PRKG1: variants seen among roughly 807,000 people sequenced by gnomAD.
The protein encoded by PRKG1 is cGMP-dependent protein kinase 1.
In PRKG1, 35 loss-of-function variants were observed where a neutral mutation model predicts 88.1. The ratio of observed to expected loss-of-function variants is 0.40; its 90% CI spans 0.30 to 0.53. The LOEUF (loss-of-function observed/expected upper bound fraction) is 0.53, where lower values mean the gene tolerates loss of function less well. PRKG1 is among the 20% of genes least tolerant of loss of function. PRKG1 has a pLI of 0.59. For synonymous variants in PRKG1, 303 were observed against 292.5 expected (o/e 1.04, Z -0.37); for missense variants, 540 against 839.8 (o/e 0.64, Z 4.41).
intron 3 of PRKG1, chr10:51,696,789 C>A (rs1841304826): frequency 6.6e-6 from 1 of 152,110 alleles, no homozygotes. Flanking sequence ...GTGAAACCTT[C>A]CACTACTTAT....
intron 3 of PRKG1, among the ~76,000 whole-genome samples, chr10:51,594,477 C>CAT (rs1352452187): frequency 3.3e-5 from 5 of 152,184 alleles, no homozygotes; most frequent in Middle Eastern, 3.2e-3. Context: ...TATGTTGTCT[C>CAT]ATATTACCAC....
intron 9 of PRKG1, among the ~76,000 whole-genome samples, chr10:52,192,280 C>T (rs1003651369): frequency 6.6e-6 from 1 of 152,098 alleles, no homozygotes; most frequent in Admixed American, 6.5e-5. Flanking sequence ...ATTTCCTCCC[C>T]TGGACCTAAG....
intron 9 of PRKG1, among the ~76,000 whole-genome samples, chr10:52,234,641 G>C (rs1840628969): frequency 1.5e-5 from 2 of 129,074 alleles, no homozygotes; most frequent in African/African-American, 6.5e-5. Context: ...AATGAGCAAA[G>C]CCTCCAAGAA....
chr10:51,525,917 C>T lies in PRKG1; in HGVS notation c.592+58081C>T, dbSNP rs1317276108. ...CTCAGCTCACTGCAATCTCCTCCTC[C>T]CAAGTTCAAGCGATTCTACTGCTTC... On this transcript the variant is annotated intron_variant, in intron 3 of 17. Transcript: ENST00000373980. 2.0e-5 allele frequency among the ~76,000 whole-genome samples: 3 copies of T among 151,922 alleles called. No individual in the cohort carries two copies. The East Asian group carries it at 5.8e-4, about 29-fold the overall frequency.
chr10:51,552,581 G>T (rs1024084166), intron 3 of PRKG1, among the ~76,000 whole-genome samples: 1 of 151,482 alleles, frequency 6.6e-6, no homozygotes, highest in African/African-American at 2.4e-5. Context: ...TTAAGAAAAT[G>T]TCCTGAAAAT....
chr10:51,070,774 G>C (rs548179646), upstream of PRKG1, among the ~76,000 whole-genome samples: 1 of 152,328 alleles, frequency 6.6e-6, no homozygotes, highest in East Asian at 1.9e-4. Context: ...CAAGACTAAA[G>C]AGCATGTTGG....
chr10:52,212,618 GGA>G lies in PRKG1; in HGVS notation c.1077-38935_1077-38934del, dbSNP rs138850418. On this transcript the variant is annotated intron_variant, in intron 9 of 17. Coordinates refer to ENST00000373980, the MANE Select transcript of PRKG1 (RefSeq NM_006258.4). The stretch of plus-strand genomic sequence containing the variant: ...GTTGGGGGGAGAGGGGTGGTGTAGG[GGA>G]GAGAGAGAGAGAGAGATTAAAAAAA... Among the ~76,000 whole-genome samples, 528 of 149,508 alleles carry G rather than the reference GGA, an allele frequency of 3.5e-3. 4 individuals are homozygous for G. The highest frequency in any genetic ancestry group is 0.01 in the Middle Eastern group (3 of 288).
chr10:51,750,680 T>C (rs1158703459), intron 3 of PRKG1, among the ~76,000 whole-genome samples: 1 of 152,186 alleles, frequency 6.6e-6, no homozygotes, highest in East Asian at 1.9e-4. Context: ...ACACAGACTA[T>C]GAGGCTTTGC....
intron 4 of PRKG1, among the ~76,000 whole-genome samples, chr10:51,905,541 G>A (rs1376536094): frequency 2.0e-5 from 3 of 152,034 alleles, no homozygotes; most frequent in Non-Finnish European, 4.4e-5. Flanking sequence ...TAAGACTATA[G>A]TTCCACATCC....
At chr10:51,762,766 A>G (rs1020798778) in intron 3 of PRKG1, among the ~76,000 whole-genome samples, 12 of 152,294 alleles carry the variant, frequency 7.9e-5, no homozygotes, top group African/African-American at 2.9e-4. Context: ...TCTCCCCCTC[A>G]AAGAACATTT....
rs558013508 is a variant in PRKG1, at chr10:52,114,557, A to AAT, written c.936-19270_936-19269dup. Reference sequence around the variant, plus strand: ...TTGAGCTCACAGGCCTAATATGCTGAATATATATATATATGTTTTCACTTT... The same window carrying AAT: ...TTGAGCTCACAGGCCTAATATGCTGAATATATATATATATATGTTTTCACTTT... On this transcript the variant is annotated intron_variant, in intron 7 of 17. Transcript: ENST00000373980. 3.4e-3 allele frequency among the ~76,000 whole-genome samples: 517 copies of AAT among 150,038 alleles called. 5 individuals carry two copies. The highest frequency in any genetic ancestry group is 9.8e-3 in the African/African-American group (397 of 40,364).
chr10:52,014,734 G>GT (rs1163111960), intron 5 of PRKG1, among the ~76,000 whole-genome samples: 1 of 152,228 alleles, frequency 6.6e-6, no homozygotes, highest in Non-Finnish European at 1.5e-5. Context: ...TATAATGGGG[G>GT]TACAGGCATT....
At chr10:52,180,431 G>A (rs1277800204) in intron 9 of PRKG1, among the ~76,000 whole-genome samples, 1 of 152,140 alleles carries the variant, frequency 6.6e-6, no homozygotes, top group East Asian at 1.9e-4. Flanking sequence ...GACGTGTAGT[G>A]TTGTCTTGTT....
intron 5 of PRKG1, among the ~76,000 whole-genome samples, chr10:52,011,190 T>A (rs984779872): frequency 6.6e-6 from 1 of 152,194 alleles, no homozygotes; most frequent in Non-Finnish European, 1.5e-5. Flanking sequence ...CACACAGAAC[T>A]TTTTTCCCTT....
chr10:51,813,168 T>C (rs905229269), intron 4 of PRKG1, among the ~76,000 whole-genome samples: 13 of 152,284 alleles, frequency 8.5e-5, no homozygotes, highest in African/African-American at 3.1e-4. Context: ...AAACAGCAAG[T>C]AATAAGCCAT....
chr10:51,418,273 G>A (rs1477098316), intron 2 of PRKG1, among the ~76,000 whole-genome samples: 1 of 152,076 alleles, frequency 6.6e-6, no homozygotes, highest in Non-Finnish European at 1.5e-5. Flanking sequence ...AGAGCCATAG[G>A]TATACCAAAA....
intron 3 of PRKG1, among the ~76,000 whole-genome samples, chr10:51,612,703 G>C (rs1167161062): frequency 6.6e-6 from 1 of 151,982 alleles, no homozygotes; most frequent in African/African-American, 2.4e-5. Flanking sequence ...TCTTGTTTCA[G>C]TTTAAAAGGA....
chr10:51,970,706 C>T (rs1235099490), intron 5 of PRKG1, among the ~76,000 whole-genome samples: 1 of 138,828 alleles, frequency 7.2e-6, no homozygotes, highest in East Asian at 2.0e-4. Context: ...TCAGATATAT[C>T]ATCTGATATA....
At chr10:51,278,183 A>G (rs1337021547) in intron 2 of PRKG1, among the ~76,000 whole-genome samples, 1 of 152,156 alleles carries the variant, frequency 6.6e-6, no homozygotes, top group Non-Finnish European at 1.5e-5. Flanking sequence ...AATTTTGTCA[A>G]AGGCCTTTTC....
Sources: gnomAD v4.1 joint callset for allele counts (sites outside exome capture counted in the v4.1 genomes callset) on GRCh38, gnomAD v4.1.1 for gene constraint, MANE v1.5 for transcripts, NCBI Gene and HGNC (gene_info 2026-07-23, HGNC 2026-07-21) for gene names.